KCNK9: variants seen among roughly 807,000 people sequenced by gnomAD.
KCNK9 encodes potassium channel subfamily K member 9.
A neutral mutation model predicts 10.8 loss-of-function variants in KCNK9; 1 was observed. The ratio of observed to expected loss-of-function variants is 0.09; its 90% CI spans 0.03 to 0.44. The LOEUF (loss-of-function observed/expected upper bound fraction) is 0.44. Among genes scored for constraint, KCNK9 ranks in the 20% least tolerant of loss-of-function variants. KCNK9 has a pLI of 0.97. For missense variants in KCNK9, 303 were observed against 515.0 expected, an observed-to-expected ratio of 0.59 and a Z score of 3.98; for synonymous variants, 231 against 222.7, an observed-to-expected ratio of 1.04 and a Z score of -0.33.
chr8:139,662,120 C>A lies in KCNK9; in HGVS notation c.283+40590G>T, dbSNP rs372813546. Among the ~76,000 whole-genome samples, 86 of 152,324 alleles carry A rather than the reference C, an allele frequency of 5.6e-4. 1 individual carries two copies. Among genetic ancestry groups the A allele is most frequent in the East Asian group, 4.5e-3 (23 of 5,160 alleles). ...TGTGGTCAGGGGCCCACCTCTCCCC[C>A]ACCACTTGGGGAGGATCCTGTAGCC... On this transcript the variant is annotated intron_variant, in intron 1 of 1. Coordinates refer to ENST00000520439, the MANE Select transcript of KCNK9 (RefSeq NM_001282534.2).
chr8:139,622,415 C>T (rs1170668955), intron 1 of KCNK9, among the ~76,000 whole-genome samples: 4 of 152,150 alleles, frequency 2.6e-5, no homozygotes, highest in Non-Finnish European at 4.4e-5. Context: ...ATCAAGGGTC[C>T]CTTTGCCCTC....
intron 1 of KCNK9, among the ~76,000 whole-genome samples, chr8:139,632,763 G>C (rs73358029): frequency 0.12 from 18,915 of 152,164 alleles, 1,982 homozygotes; most frequent in African/African-American, 0.29. Context: ...TGAGTGACCA[G>C]CTAGAGCAGA....
chr8:139,665,686 CTG>C (rs1816280890), intron 1 of KCNK9, among the ~76,000 whole-genome samples: 1 of 152,182 alleles, frequency 6.6e-6, no homozygotes, highest in African/African-American at 2.4e-5. Flanking sequence ...ACAGCTAACT[CTG>C]TAAAATGAGG....
intron 1 of KCNK9, among the ~76,000 whole-genome samples, chr8:139,648,144 T>C (rs1815747411): frequency 1.3e-5 from 2 of 152,040 alleles, no homozygotes; most frequent in African/African-American, 4.8e-5. Flanking sequence ...AACCTAATGC[T>C]CAGTGAAGAA....
intron 1 of KCNK9, among the ~76,000 whole-genome samples, chr8:139,645,251 C>T (rs554486355): frequency 5.9e-4 from 90 of 152,132 alleles, no homozygotes; most frequent in Non-Finnish European, 1.1e-3. Flanking sequence ...CCAGCAGCCC[C>T]ACCTGCAAGA....
intron 1 of KCNK9, among the ~76,000 whole-genome samples, chr8:139,670,289 G>T (rs769646959): frequency 3.3e-5 from 5 of 152,134 alleles, no homozygotes; most frequent in African/African-American, 4.8e-5. Context: ...AATAAATAAT[G>T]AAAAAGTTTG....
chr8:139,686,731 C>T (rs1469496069), intron 1 of KCNK9, among the ~76,000 whole-genome samples: 1 of 152,160 alleles, frequency 6.6e-6, no homozygotes, highest in Non-Finnish European at 1.5e-5. Context: ...AACTCATTCT[C>T]CTACCTAATC....
At chr8:139,601,682 T>C (rs1438928810) in intron 2 of KCNK9, 2 of 152,158 alleles carry the variant, frequency 1.3e-5, no homozygotes, top group Non-Finnish European at 2.9e-5. Flanking sequence ...AAATATTGCT[T>C]AAAAGTCCCT....
At chr8:139,698,802 C>T (rs1817127239) in intron 1 of KCNK9, among the ~76,000 whole-genome samples, 1 of 152,204 alleles carries the variant, frequency 6.6e-6, no homozygotes, top group Non-Finnish European at 1.5e-5. Flanking sequence ...CTGTCTGTTT[C>T]ACGAAAAGTC....
intron 1 of KCNK9, among the ~76,000 whole-genome samples, chr8:139,668,443 T>C (rs1816350393): frequency 1.4e-5 from 2 of 145,460 alleles, no homozygotes; most frequent in Admixed American, 7.0e-5. Flanking sequence ...TTTTTTGAGA[T>C]GGAGTTTCGC....
At chr8:139,683,707 C>T (rs1816736558) in intron 1 of KCNK9, among the ~76,000 whole-genome samples, 1 of 152,210 alleles carries the variant, frequency 6.6e-6, no homozygotes. Flanking sequence ...GGTATGTGAG[C>T]AGAGTGTGAA....
chr8:139,629,392 G>A (rs1464339305), intron 1 of KCNK9, among the ~76,000 whole-genome samples: 1 of 152,218 alleles, frequency 6.6e-6, no homozygotes, highest in East Asian at 1.9e-4. Context: ...ATCTAGGCGT[G>A]TCACTGAAAC....
chr8:139,634,046 T>C (rs1168644895), intron 1 of KCNK9, among the ~76,000 whole-genome samples: 1 of 152,256 alleles, frequency 6.6e-6, no homozygotes, highest in Non-Finnish European at 1.5e-5. Context: ...CCAGCAGTCC[T>C]CCTGGCATAC....
intron 1 of KCNK9, among the ~76,000 whole-genome samples, chr8:139,642,453 A>G (rs1815532197): frequency 6.6e-6 from 1 of 152,280 alleles, no homozygotes; most frequent in Admixed American, 6.5e-5. Context: ...CAATAAATGC[A>G]TGCTTTACAA....
At chr8:139,620,169 C>T (rs1370877965) in intron 1 of KCNK9, among the ~76,000 whole-genome samples, 1 of 152,212 alleles carries the variant, frequency 6.6e-6, no homozygotes, top group Admixed American at 6.5e-5. Context: ...GAACAAGAGA[C>T]TCAGTAGGTT....
At chr8:139,632,922 G>A (rs1815217828) in intron 1 of KCNK9, among the ~76,000 whole-genome samples, 1 of 152,182 alleles carries the variant, frequency 6.6e-6, no homozygotes, top group South Asian at 2.1e-4. Context: ...GTTGAACCTG[G>A]AGAGCAAAGA....
At chr8:139,649,184 G>T (rs533645751) in intron 1 of KCNK9, among the ~76,000 whole-genome samples, 25 of 152,228 alleles carry the variant, frequency 1.6e-4, no homozygotes, top group African/African-American at 6.0e-4. Context: ...GAAGATGGAT[G>T]GACTCCGGTT....
At chr8:139,605,132 T>A (rs1412157609) in intron 2 of KCNK9, among the ~76,000 whole-genome samples, 1 of 152,244 alleles carries the variant, frequency 6.6e-6, no homozygotes, top group Non-Finnish European at 1.5e-5. Context: ...GAGCACCTGC[T>A]AACTGCCTCG....
At chr8:139,653,607 C>T (rs1318813117) in intron 1 of KCNK9, among the ~76,000 whole-genome samples, 1 of 152,088 alleles carries the variant, frequency 6.6e-6, no homozygotes, top group Non-Finnish European at 1.5e-5. Flanking sequence ...CAGGTCCAGC[C>T]CCACCCCTTC....
Sources: allele counts gnomAD v4.1 joint callset (sites outside exome capture counted in the v4.1 genomes callset), GRCh38; gene constraint gnomAD v4.1.1; transcripts MANE v1.5; gene names NCBI Gene and HGNC (gene_info 2026-07-23, HGNC 2026-07-21).